Variants in DEDD observed in about 807,000 individuals in gnomAD.
The protein encoded by DEDD is death effector domain-containing protein.
Under a neutral mutation model 29.2 loss-of-function variants are expected in DEDD, and 3 were observed. The observed-to-expected ratio is 0.10, with a 90% CI of 0.05 to 0.27. The LOEUF (loss-of-function observed/expected upper bound fraction) is 0.27, where lower values mean the gene tolerates loss of function less well. Among genes scored for constraint, DEDD ranks in the 10% least tolerant of loss-of-function variants. DEDD has a pLI of 1.00. For missense variants in DEDD, 261 were observed against 420.5 expected (o/e 0.62, Z 3.32); for synonymous variants, 152 against 161.3 (o/e 0.94, Z 0.44).
chr1:161,122,547 G>A lies in DEDD; in HGVS notation c.581-24C>T, dbSNP rs200942158. ...GTCTGTTGGAAACAGAAGATACAGA[G>A]CAGAAGAGGTTACAGTAAGGGATGA... On this transcript the variant is annotated intron_variant, in intron 5 of 5. Coordinates refer to ENST00000368006, the MANE Select transcript of DEDD (RefSeq NM_032998.3). This position sits in a 1 kb window ranked among gnomAD's most constrained non-coding sequence, Gnocchi z 4.2. 2.7e-5 allele frequency: 44 copies of A among 1,603,568 alleles called. No individual in the cohort carries two copies. Among genetic ancestry groups the A allele is most frequent in the Non-Finnish European group, 3.3e-5 (39 of 1,172,864 alleles).
chr1:161,122,222 T>C lies in DEDD; in HGVS notation c.882A>G (p.Val294=), dbSNP rs769988461. The part of the protein sequence containing the change: ...AVGHEAIKLL[V]NVDEEDYELG... ...GCTCATAGTCCTCCTCGTCTACATT[T>C]ACCAGCAGCTTGATGGCTTCATGGC... Residue 294 remains valine, a synonymous_variant, in exon 6 of 6, where the codon GTA becomes GTG. Coordinates refer to ENST00000368006, the MANE Select transcript of DEDD (RefSeq NM_032998.3). This position sits in a 1 kb window ranked among gnomAD's most constrained non-coding sequence, Gnocchi z 4.2. 1.4e-5 allele frequency: 23 copies of C among 1,614,074 alleles called. No homozygotes were observed. Among genetic ancestry groups the C allele is most frequent in the Non-Finnish European group, 1.9e-5 (22 of 1,180,036 alleles).
Position 161,121,896 on chromosome 1 carries a change from T to G in DEDD, c.*251A>C, listed in dbSNP as rs948270580. The G allele has an allele frequency of 2.1e-6, 1 of 468,024 alleles. No individual in the cohort carries two copies. Among genetic ancestry groups the G allele is most frequent in the African/African-American group, 1.9e-5 (1 of 51,924 alleles). The allele number at this position is 468,024 out of a possible 1,614,324, so 29.0% of individuals were successfully genotyped here. Reference sequence around the variant, plus strand: ...TCTTCCTATACATTTGTCTTACGGCTCAGTGGTAAGGTAGCTGTAGAGACA... The same window carrying G: ...TCTTCCTATACATTTGTCTTACGGCGCAGTGGTAAGGTAGCTGTAGAGACA... On this transcript the variant is annotated 3_prime_UTR_variant, in exon 6 of 6. Coordinates refer to ENST00000368006, the MANE Select transcript of DEDD (RefSeq NM_032998.3).
Position 161,122,673 on chromosome 1 carries a change from G to T in DEDD, c.581-150C>A. On this transcript the variant is annotated intron_variant, in intron 5 of 5. Transcript: ENST00000368006. This position sits in a 1 kb window ranked among gnomAD's most constrained non-coding sequence, Gnocchi z 4.2. Reference sequence around the variant, plus strand: ...ACCTCTTCCCCAGGACTATTTCTATGTATCTCTGAAATCCTTGCCTGAATG... The same window carrying T: ...ACCTCTTCCCCAGGACTATTTCTATTTATCTCTGAAATCCTTGCCTGAATG... 2 of 1,106,476 alleles carry T rather than the reference G, an allele frequency of 1.8e-6. No individual in the cohort carries two copies. The highest frequency in any genetic ancestry group is 2.5e-6 in the Non-Finnish European group (2 of 793,336). 68.5% of individuals were successfully genotyped at this position (1,106,476 alleles called of 1,614,324 possible). A position where few individuals can be genotyped will look rare whatever the true frequency, so the allele number is the denominator to read the frequency against.
At chr1:161,123,328 T>C (rs1006055265) in intron 4 of DEDD, 107 bp from the exon 5 acceptor site, 16 of 1,108,580 alleles carry the variant, frequency 1.4e-5, no homozygotes, top group Non-Finnish European at 2.0e-5. Flanking sequence ...CTAAAAGCAG[T>C]GGAAAAATGT....
At chr1:161,129,513 C>G (rs1656489308) in intron 2 of DEDD, among the ~76,000 whole-genome samples, 1 of 147,598 alleles carries the variant, frequency 6.8e-6, no homozygotes. Flanking sequence ...GCACTCCAGC[C>G]TGGGGTACAG....
At position 161,132,540 on chromosome 1, in the gene DEDD, CT is replaced by C. The variant is rs1194154428; in HGVS notation, c.-98+10del. ...CTCCCTCTCCCCACTCCGGCCGCCC[CT>C]CCGCCTCACTCTCGGCTCAGGCTCG... On this transcript the variant is annotated intron_variant, in intron 1 of 5. Coordinates refer to ENST00000368006, the MANE Select transcript of DEDD (RefSeq NM_032998.3). 4 of 154,388 alleles carry C rather than the reference CT, an allele frequency of 2.6e-5. No individual in the cohort carries two copies. The highest frequency in any genetic ancestry group is 7.2e-5 in the African/African-American group (3 of 41,458). The allele number at this position is 154,388 out of a possible 1,614,324, so 9.6% of individuals were successfully genotyped here. A position where few individuals can be genotyped will look rare whatever the true frequency, so the allele number is the denominator to read the frequency against.
chr1:161,123,146 C>G lies in DEDD; in HGVS notation c.509G>C (p.Arg170Thr), dbSNP rs1283556060. Residue 170 changes from arginine to threonine, a missense_variant, in exon 5 of 6, where the codon AGA becomes ACA. Transcript: ENST00000368006. Reference protein sequence around the residue: ...QMCSKRPARGRATLGSQRKRR... With the variant: ...QMCSKRPARGTATLGSQRKRR... ...TTTTCGCTGGCTCCCAAGTGTGGCT[C>G]TCCCTCGGGCTGGCCGCTTGCTACA... 1 of 1,614,234 alleles carries G rather than the reference C, an allele frequency of 6.2e-7. No individual in the cohort carries two copies. The highest frequency in any genetic ancestry group is 1.1e-5 in the South Asian group (1 of 91,088).
At position 161,120,985 on chromosome 1, in the gene DEDD, AGTCATT is replaced by A; in HGVS notation, c.*1156_*1161del. ...GTTTCAGAAAGGTGGAATTTTATAT[AGTCATT>A]GTTTATTTCATGGAAACTGAAGTTC... On this transcript the variant is annotated 3_prime_UTR_variant, in exon 6 of 6. Coordinates refer to ENST00000368006, the MANE Select transcript of DEDD (RefSeq NM_032998.3). 7.1e-7 allele frequency: 1 copy of A among 1,409,328 alleles called. No individual in the cohort carries two copies. Among genetic ancestry groups the A allele is most frequent in the Non-Finnish European group, 9.2e-7 (1 of 1,084,948 alleles). The allele number at this position is 1,409,328 out of a possible 1,614,324, so 87.3% of individuals were successfully genotyped here. A position where few individuals can be genotyped will look rare whatever the true frequency, so the allele number is the denominator to read the frequency against.
In DEDD at chr1:161,124,346, G is replaced by C. The variant is rs1250682142; in HGVS notation, c.117C>G (p.His39Gln). 1.2e-6 allele frequency: 2 copies of C among 1,614,110 alleles called. No individual in the cohort carries two copies. Among genetic ancestry groups the C allele is most frequent in the Admixed American group, 1.7e-5 (1 of 60,012 alleles). ...GGAAAGAAAGCACGCGCACATCTCT[G>C]TGTGTCAGATGAGTGCCCACGATGT... ...MFDIVGTHLT[H>Q]RDVRVLSFLF... The change falls in exon 3 of 6, where the codon CAC (histidine) becomes CAG (glutamine). Residue 39 changes from histidine (H) to glutamine (Q), a missense_variant. Physicochemically the swap from His to Gln is conservative, Grantham distance 24. This residue lies in a region of DEDD where 203 missense variants were observed against 268.7 expected (regional missense o/e 0.76). Transcript: ENST00000368006.
chr1:161,121,871 T>G lies in DEDD; in HGVS notation c.*276A>C, dbSNP rs1379128509. ...AAGACTATGTGCTGTAGACTTTGCTTCTTCCTATACATTTGTCTTACGGCT... is the reference window on the plus strand; with the variant it reads ...AAGACTATGTGCTGTAGACTTTGCTGCTTCCTATACATTTGTCTTACGGCT... On this transcript the variant is annotated 3_prime_UTR_variant, in exon 6 of 6. Coordinates refer to ENST00000368006, the MANE Select transcript of DEDD (RefSeq NM_032998.3). 1 of 395,656 alleles carries G rather than the reference T, an allele frequency of 2.5e-6. No individual in the cohort carries two copies. Among genetic ancestry groups the G allele is most frequent in the Non-Finnish European group, 4.6e-6 (1 of 216,946 alleles). 24.5% of individuals were successfully genotyped at this position (395,656 alleles called of 1,614,324 possible).
intron 2 of DEDD, 120 bp from the exon 3 acceptor site, chr1:161,124,646 A>G: frequency 1.6e-6 from 2 of 1,274,398 alleles, no homozygotes; most frequent in Non-Finnish European, 2.0e-6. Context: ...CATGTTTATT[A>G]AATTTTTGAA....
At position 161,122,025 on chromosome 1, in the gene DEDD, A is replaced by T. The variant is rs1220855582; in HGVS notation, c.*122T>A. On this transcript the variant is annotated 3_prime_UTR_variant, in exon 6 of 6. Coordinates refer to ENST00000368006, the MANE Select transcript of DEDD (RefSeq NM_032998.3). The surrounding 1 kb of genome is among the most constrained non-coding windows in gnomAD (Gnocchi z 4.2). ...TCCACTTTCTTTTGTCTTTTTCTTTAAAAAAAAAAAAAAAAAGGCAGGGGT... is the reference window on the plus strand; with the variant it reads ...TCCACTTTCTTTTGTCTTTTTCTTTTAAAAAAAAAAAAAAAAGGCAGGGGT... 6.7e-4 allele frequency: 126 copies of T among 187,548 alleles called. No individual in the cohort carries two copies. Among genetic ancestry groups the T allele is most frequent in the Admixed American group, 1.6e-3 (12 of 7,348 alleles). 11.6% of individuals were successfully genotyped at this position (187,548 alleles called of 1,614,324 possible). A position where few individuals can be genotyped will look rare whatever the true frequency, so the allele number is the denominator to read the frequency against.
chr1:161,123,488 T>G (rs917690743), intron 4 of DEDD, among the ~76,000 whole-genome samples: 2 of 151,900 alleles, frequency 1.3e-5, no homozygotes, highest in Admixed American at 6.6e-5. Context: ...TACAAAAAAT[T>G]AGCTGGGCGT....
intron 4 of DEDD, 119 bp downstream of exon 4, chr1:161,123,719 TA>T (rs1655825091): frequency 5.8e-6 from 5 of 857,650 alleles, no homozygotes; most frequent in Non-Finnish European, 1.8e-6. Context: ...TTTTTTTTTT[TA>T]TGGGGCAAGA....
Position 161,124,181 on chromosome 1 carries a change from G to A in DEDD, c.282C>T (p.Arg94=), listed in dbSNP as rs563739629. ...QVLQLLRIIT[R]HDLLPYVTLK... Reference sequence around the variant, plus strand: ...GGGTGACGTAGGGCAGCAGGTCGTGGCGAGTGATGATGCGCAGCAGCTGCA... The same window carrying A: ...GGGTGACGTAGGGCAGCAGGTCGTGACGAGTGATGATGCGCAGCAGCTGCA... Residue 94 remains arginine (R), a synonymous_variant, in exon 3 of 6, where the codon CGC becomes CGT. Coordinates refer to ENST00000368006, the MANE Select transcript of DEDD (RefSeq NM_032998.3). 21 of 1,614,130 alleles carry A rather than the reference G, an allele frequency of 1.3e-5. No individual in the cohort carries two copies. In the South Asian group the frequency reaches 1.6e-4, roughly 13 times the overall value.
intron 2 of DEDD, among the ~76,000 whole-genome samples, chr1:161,127,718 G>T (rs1278145699): frequency 6.6e-6 from 1 of 152,190 alleles, no homozygotes; most frequent in Non-Finnish European, 1.5e-5. Flanking sequence ...GGGTACAAAT[G>T]AAGGTGCTAA....
intron 2 of DEDD, among the ~76,000 whole-genome samples, chr1:161,130,395 AAAG>A (rs1331135585): frequency 6.6e-6 from 1 of 152,244 alleles, no homozygotes; most frequent in African/African-American, 2.4e-5. Flanking sequence ...TATGTTTTCA[AAAG>A]AAGGATGCCA....
intron 2 of DEDD, among the ~76,000 whole-genome samples, chr1:161,128,147 C>T (rs1656340956): frequency 4.6e-5 from 7 of 152,150 alleles, no homozygotes; most frequent in Admixed American, 3.3e-4. Context: ...CATCAATGTA[C>T]TAGGAATTAT....
At chr1:161,125,690 T>G (rs1295179513) in intron 2 of DEDD, among the ~76,000 whole-genome samples, 1 of 152,140 alleles carries the variant, frequency 6.6e-6, no homozygotes, top group Non-Finnish European at 1.5e-5. Context: ...TTAGTAGAGA[T>G]GGGTTTTTAC....
Sources: allele counts gnomAD v4.1 joint callset (sites outside exome capture counted in the v4.1 genomes callset), GRCh38; gene constraint gnomAD v4.1.1; regional missense constraint gnomAD v4.1.1; non-coding constraint Gnocchi (gnomAD v3.1); transcripts MANE v1.5; gene names NCBI Gene and HGNC (gene_info 2026-07-23, HGNC 2026-07-21).